Variants in CSMD3 observed in about 807,000 individuals in gnomAD.
CSMD3 encodes the protein CUB and sushi domain-containing protein 3.
In CSMD3, 177 loss-of-function variants were observed where a neutral mutation model predicts 435.2. The ratio of observed to expected loss-of-function variants is 0.41; its 90% CI spans 0.36 to 0.46. The LOEUF (loss-of-function observed/expected upper bound fraction) is 0.46. Among genes scored for constraint, CSMD3 ranks in the 20% least tolerant of loss-of-function variants. The pLI is 0.34. For missense variants in CSMD3, 4,265 were observed against 4,504.6 expected, an observed-to-expected ratio of 0.95 and a Z score of 1.52; for synonymous variants, 1,656 against 1,520.5, an observed-to-expected ratio of 1.09 and a Z score of -2.07.
chr8:112,492,372 G>T, intron 31 of CSMD3, 117 bp downstream of exon 31: 2 of 813,844 alleles, frequency 2.5e-6, no homozygotes, highest in Non-Finnish European at 4.2e-6. Flanking sequence ...TGCATTGCTA[G>T]TACGACACTT....
intron 1 of CSMD3, among the ~76,000 whole-genome samples, chr8:113,405,439 G>A (rs1205897075): frequency 5.9e-5 from 9 of 151,596 alleles, no homozygotes. Flanking sequence ...ATACTGCAAA[G>A]TGATGTTTTA....
At chr8:113,415,815 T>C (rs2094579464) in intron 1 of CSMD3, among the ~76,000 whole-genome samples, 1 of 152,120 alleles carries the variant, frequency 6.6e-6, no homozygotes, top group African/African-American at 2.4e-5. Context: ...AATTTTAACA[T>C]ATGACATTGA....
intron 3 of CSMD3, among the ~76,000 whole-genome samples, chr8:113,215,442 T>C (rs1441526417): frequency 1.3e-5 from 2 of 151,978 alleles, no homozygotes; most frequent in Non-Finnish European, 2.9e-5. Flanking sequence ...TTGTTAATGA[T>C]GTCAGTGAAA....
chr8:113,379,536 C>G (rs1335150328), intron 1 of CSMD3, among the ~76,000 whole-genome samples: 1 of 152,060 alleles, frequency 6.6e-6, no homozygotes, highest in Non-Finnish European at 1.5e-5. Context: ...AAGGACTGGT[C>G]AGTAATACCT....
intron 22 of CSMD3, among the ~76,000 whole-genome samples, chr8:112,621,949 G>A (rs1441441090): frequency 1.3e-5 from 2 of 152,140 alleles, no homozygotes; most frequent in Non-Finnish European, 2.9e-5. Context: ...TGCCATAGGA[G>A]TAGTGAGTAT....
intron 1 of CSMD3, among the ~76,000 whole-genome samples, chr8:113,324,745 A>G (rs1323727376): frequency 1.3e-5 from 2 of 152,166 alleles, no homozygotes; most frequent in African/African-American, 4.8e-5. Context: ...AGAATGGTAG[A>G]TCCACTGAAA....
intron 22 of CSMD3, among the ~76,000 whole-genome samples, chr8:112,630,066 T>TGGAAGAGTTCA (rs2074471820): frequency 6.6e-6 from 1 of 152,140 alleles, no homozygotes; most frequent in Non-Finnish European, 1.5e-5. Context: ...CATGTGACCT[T>TGGAAGAGTTCA]GGAAGAGGAC....
chr8:112,827,704 T>G (rs1424375209), intron 12 of CSMD3, among the ~76,000 whole-genome samples: 1 of 152,174 alleles, frequency 6.6e-6, no homozygotes, highest in Non-Finnish European at 1.5e-5. Flanking sequence ...AAACAATGAA[T>G]AAATTGATAA....
At chr8:113,244,475 C>G (rs1008945793) in intron 3 of CSMD3, among the ~76,000 whole-genome samples, 8 of 152,074 alleles carry the variant, frequency 5.3e-5, no homozygotes, top group Non-Finnish European at 7.4e-5. Context: ...GTCACCACGC[C>G]TGACTAATTT....
At chr8:112,865,565 A>G (rs1040563881) in intron 10 of CSMD3, among the ~76,000 whole-genome samples, 3 of 152,052 alleles carry the variant, frequency 2.0e-5, no homozygotes, top group South Asian at 4.1e-4. Context: ...ACACTTTAAG[A>G]CCCTAGCACT....
At chr8:112,873,146 G>A (rs2081183809) in intron 10 of CSMD3, among the ~76,000 whole-genome samples, 1 of 151,946 alleles carries the variant, frequency 6.6e-6, no homozygotes, top group Admixed American at 6.6e-5. Flanking sequence ...GATGAAGTTG[G>A]AACAATGTCT....
chr8:113,380,060 G>C (rs2094408537), intron 1 of CSMD3, among the ~76,000 whole-genome samples: 1 of 152,052 alleles, frequency 6.6e-6, no homozygotes, highest in African/African-American at 2.4e-5. Flanking sequence ...GCCCCCATTT[G>C]CATATTCATT....
At chr8:113,331,238 TGAA>T (rs755717244) in intron 1 of CSMD3, among the ~76,000 whole-genome samples, 11 of 151,288 alleles carry the variant, frequency 7.3e-5, no homozygotes, top group South Asian at 2.1e-4. Flanking sequence ...AACCATAAAC[TGAA>T]GAAGAATTAT....
At chr8:112,899,631 A>ATG (rs1353397804) in intron 10 of CSMD3, among the ~76,000 whole-genome samples, 9 of 82,058 alleles carry the variant, frequency 1.1e-4, no homozygotes, top group South Asian at 4.0e-4. Flanking sequence ...ATATATATAT[A>ATG]TGTATATACA....
intron 27 of CSMD3, among the ~76,000 whole-genome samples, chr8:112,536,472 A>T (rs1338512539): frequency 6.6e-6 from 1 of 152,152 alleles, no homozygotes; most frequent in Non-Finnish European, 1.5e-5. Flanking sequence ...CCACAATGAG[A>T]TACCATCTCA....
chr8:112,869,811 T>G (rs181831131), intron 10 of CSMD3, among the ~76,000 whole-genome samples: 2 of 152,096 alleles, frequency 1.3e-5, no homozygotes, highest in African/African-American at 4.8e-5. Flanking sequence ...ATGTTCTCAC[T>G]CATAAGTGGA....
intron 27 of CSMD3, among the ~76,000 whole-genome samples, chr8:112,534,019 G>A (rs1825801536): frequency 6.6e-6 from 1 of 151,996 alleles, no homozygotes; most frequent in South Asian, 2.1e-4. Context: ...CAACCAATGG[G>A]TCAGTGAAGA....
At chr8:112,810,383 G>GACAA (rs3047125) in intron 12 of CSMD3, among the ~76,000 whole-genome samples, 125,470 of 151,716 alleles carry the variant, frequency 0.83, 52,103 homozygotes, top group East Asian at 0.9. Context: ...CTAATTAACA[G>GACAA]ACAAATCTGA....
chr8:113,174,959 T>C (rs1196280015), intron 3 of CSMD3, among the ~76,000 whole-genome samples: 1 of 151,866 alleles, frequency 6.6e-6, no homozygotes, highest in Non-Finnish European at 1.5e-5. Flanking sequence ...ATATGGGAAC[T>C]ACTGTTCTTG....
Sources: gnomAD v4.1 joint callset for allele counts (sites outside exome capture counted in the v4.1 genomes callset) on GRCh38, gnomAD v4.1.1 for gene constraint, MANE v1.5 for transcripts, NCBI Gene and HGNC (gene_info 2026-07-23, HGNC 2026-07-21) for gene names.